The following TMEM132C variants were observed in gnomAD, a reference collection of about 807,000 sequenced individuals.
TMEM132C encodes transmembrane protein 132C, also known as protein phosphatase 1, regulatory subunit 152.
In TMEM132C, 29 loss-of-function variants were observed where a neutral mutation model predicts 61.4. The ratio of observed to expected loss-of-function variants is 0.47; its 90% CI spans 0.35 to 0.64. The LOEUF (loss-of-function observed/expected upper bound fraction) is 0.64, where lower values mean the gene tolerates loss of function less well. Among genes scored for constraint, TMEM132C ranks in the 30% least tolerant of loss-of-function variants. The pLI is 0.00. For synonymous variants in TMEM132C, 656 were observed against 633.1 expected (o/e 1.04, Z -0.54); for missense variants, 1,408 against 1,476.9 (o/e 0.95, Z 0.76).
In TMEM132C at chr12:128,477,534, G is replaced by A. The variant is rs539196433; in HGVS notation, c.974+61914G>A. On this transcript the variant is annotated intron_variant, in intron 2 of 8. Coordinates refer to ENST00000435159, the MANE Select transcript of TMEM132C (RefSeq NM_001136103.3). ...ATAAAGAACTGAGACAACTAATACA[G>A]TATATTCTGATAGGCAGGCACCATT... Among the ~76,000 whole-genome samples the A allele has an allele frequency of 2.6e-5, 4 of 152,236 alleles. No homozygotes were observed. The East Asian group carries it at 7.7e-4, about 29-fold the overall frequency.
intron 1 of TMEM132C, among the ~76,000 whole-genome samples, chr12:128,399,504 C>G (rs7295017): frequency 0.079 from 11,964 of 152,230 alleles, 1,601 homozygotes; most frequent in African/African-American, 0.27. Context: ...TATTATACAA[C>G]TCTAAATCCC....
chr12:128,345,765 GTTTT>G (rs893538111), intron 1 of TMEM132C, among the ~76,000 whole-genome samples: 3 of 149,878 alleles, frequency 2.0e-5, no homozygotes, highest in African/African-American at 7.3e-5. Context: ...GGGGTTGTTT[GTTTT>G]TTTTTCTTGT....
chr12:128,394,260 C>T (rs915231379), intron 1 of TMEM132C, among the ~76,000 whole-genome samples: 3 of 152,170 alleles, frequency 2.0e-5, no homozygotes, highest in Non-Finnish European at 4.4e-5. Flanking sequence ...GTCCCCCCAA[C>T]AACATATGGA....
At chr12:128,376,549 C>T (rs1334846566) in intron 1 of TMEM132C, among the ~76,000 whole-genome samples, 1 of 152,008 alleles carries the variant, frequency 6.6e-6, no homozygotes, top group Non-Finnish European at 1.5e-5. Context: ...TGAAGCAAAC[C>T]CCTTAAGTTC....
chr12:128,669,173 GT>G (rs773441264), intron 4 of TMEM132C, among the ~76,000 whole-genome samples: 1 of 152,146 alleles, frequency 6.6e-6, no homozygotes, highest in Non-Finnish European at 1.5e-5. Flanking sequence ...CTTTTTGATT[GT>G]TGTTGAAAAC....
intron 2 of TMEM132C, among the ~76,000 whole-genome samples, chr12:128,496,602 C>T (rs1175216648): frequency 6.6e-6 from 1 of 152,164 alleles, no homozygotes; most frequent in East Asian, 1.9e-4. Context: ...ATCACTGATA[C>T]CCTTTCTTCC....
intron 4 of TMEM132C, among the ~76,000 whole-genome samples, chr12:128,637,417 T>C (rs1954112669): frequency 1.3e-5 from 2 of 152,218 alleles, no homozygotes; most frequent in African/African-American, 4.8e-5. Flanking sequence ...GGAGCTGCCA[T>C]GGGGCTTGAC....
At position 128,606,952 on chromosome 12, in the gene TMEM132C, G is replaced by A. The variant is rs76651609; in HGVS notation, c.1122-9200G>A. Among the ~76,000 whole-genome samples, 1,169 of 152,264 alleles carry A rather than the reference G, an allele frequency of 7.7e-3. 19 individuals carry two copies. Among genetic ancestry groups the A allele is most frequent in the African/African-American group, 0.027 (1,114 of 41,532 alleles). On this transcript the variant is annotated intron_variant, in intron 3 of 8. Transcript: ENST00000435159. ...CAAGTTTTTAAAACCCTTTCACGGGGCTTACATTTTAGATAAGAGGAGGTG... is the reference window on the plus strand; with the variant it reads ...CAAGTTTTTAAAACCCTTTCACGGGACTTACATTTTAGATAAGAGGAGGTG...
chr12:128,617,815 G>A (rs1000558849), intron 4 of TMEM132C, among the ~76,000 whole-genome samples: 1 of 152,170 alleles, frequency 6.6e-6, no homozygotes, highest in African/African-American at 2.4e-5. Context: ...CAAAATAGCA[G>A]ATGTGCACCC....
At position 128,544,089 on chromosome 12, in the gene TMEM132C, C is replaced by T. The variant is rs1390917649; in HGVS notation, c.1107C>T (p.Pro369=). The T allele has an allele frequency of 7.8e-6, 12 of 1,538,064 alleles. No individual in the cohort carries two copies. The African/African-American group carries it at 1.2e-4, about 16-fold the overall frequency. The part of the protein sequence containing the change: ...TATVACQRLG[P]SPRNRSSSLF... ...CCGTGGCCTGCCAGCGCCTGGGGCCCAGCCCACGCAACAGGTAAGCGGTGC... is the reference window on the plus strand; with the variant it reads ...CCGTGGCCTGCCAGCGCCTGGGGCCTAGCCCACGCAACAGGTAAGCGGTGC... Residue 369 remains proline, a synonymous_variant, in exon 3 of 9, where the codon CCC becomes CCT. Transcript: ENST00000435159.
chr12:128,544,308 G>A lies in TMEM132C; in HGVS notation c.1121+205G>A, dbSNP rs552678748. ...CGGGGTGGGGCGCTCGCTCTGCAGC[G>A]CTGCGGGGTCAGCTTTGGAGCCGGG... On this transcript the variant is annotated intron_variant, in intron 3 of 8. Coordinates refer to ENST00000435159, the MANE Select transcript of TMEM132C (RefSeq NM_001136103.3). Among the ~76,000 whole-genome samples, 13 of 152,392 alleles carry A rather than the reference G, an allele frequency of 8.5e-5. No homozygotes were observed. The East Asian group carries it at 9.6e-4, about 11-fold the overall frequency.
At chr12:128,309,726 C>CTT (rs1212792170) in intron 1 of TMEM132C, among the ~76,000 whole-genome samples, 1 of 144,498 alleles carries the variant, frequency 6.9e-6, no homozygotes, top group African/African-American at 2.5e-5. Flanking sequence ...TCCTTTTTTT[C>CTT]TTTTTTTTTT....
intron 2 of TMEM132C, among the ~76,000 whole-genome samples, chr12:128,514,623 ATGT>A (rs902777408): frequency 3.1e-4 from 47 of 152,264 alleles, no homozygotes; most frequent in African/African-American, 1.1e-3. Flanking sequence ...AAGAGTTGAT[ATGT>A]TGTTTATCAG....
chr12:128,682,660 C>T (rs187048614), intron 5 of TMEM132C, among the ~76,000 whole-genome samples: 223 of 152,346 alleles, frequency 1.5e-3, no homozygotes, highest in African/African-American at 5.1e-3. Flanking sequence ...AGACATATAA[C>T]GCTATTGAAA....
intron 1 of TMEM132C, among the ~76,000 whole-genome samples, chr12:128,327,816 A>T (rs542947600): frequency 1.4e-4 from 21 of 152,272 alleles, no homozygotes; most frequent in African/African-American, 5.1e-4. Flanking sequence ...AGATTTAAAA[A>T]TGTTCTGACT....
chr12:128,632,020 C>T (rs187463244), intron 4 of TMEM132C, among the ~76,000 whole-genome samples: 1 of 152,020 alleles, frequency 6.6e-6, no homozygotes, highest in Non-Finnish European at 1.5e-5. Flanking sequence ...GCTGACAAAC[C>T]CCAATAGATG....
intron 2 of TMEM132C, among the ~76,000 whole-genome samples, chr12:128,460,980 C>T (rs549940974): frequency 9.2e-5 from 14 of 152,142 alleles, no homozygotes; most frequent in African/African-American, 3.1e-4. Context: ...GGAGAGGATG[C>T]GTGTTCATCA....
At chr12:128,282,045 G>T (rs953908500) in intron 1 of TMEM132C, among the ~76,000 whole-genome samples, 3 of 152,136 alleles carry the variant, frequency 2.0e-5, no homozygotes, top group Admixed American at 2.0e-4. Flanking sequence ...GGAGTTTTTT[G>T]TTGTTTTTAT....
rs561403890 is a variant in TMEM132C at position 128,472,987 on chromosome 12, T to G, written c.974+57367T>G. Among the ~76,000 whole-genome samples, 16 of 152,334 alleles carry G rather than the reference T, an allele frequency of 1.1e-4. No homozygotes were observed. The South Asian group carries it at 3.3e-3, about 32-fold the overall frequency. Reference sequence around the variant, plus strand: ...ATTTGGGGCTTCTAGCCTCCAGGACTGTGAGACACTACAGGGTTGGTTCCT... The same window carrying G: ...ATTTGGGGCTTCTAGCCTCCAGGACGGTGAGACACTACAGGGTTGGTTCCT... On this transcript the variant is annotated intron_variant, in intron 2 of 8. Transcript: ENST00000435159.
Sources: allele counts gnomAD v4.1 joint callset (sites outside exome capture counted in the v4.1 genomes callset), GRCh38; gene constraint gnomAD v4.1.1; transcripts MANE v1.5; gene names NCBI Gene and HGNC (gene_info 2026-07-23, HGNC 2026-07-21).